YTHDC2: variants seen among roughly 807,000 people sequenced by gnomAD.
YTHDC2 encodes the protein YTH N6-methyladenosine RNA binding protein C2.
YTHDC2 carries 45 observed loss-of-function variants against 174.9 expected under a neutral mutation model. That is an observed-to-expected ratio of 0.26 (90% CI 0.20 to 0.33). The LOEUF is 0.33. Among genes scored for constraint, YTHDC2 ranks in the 10% least tolerant of loss-of-function variants. YTHDC2 has a pLI of 1.00. For missense variants in YTHDC2, 1,650 were observed against 1,723.7 expected (o/e 0.96, Z 0.76); for synonymous variants, 657 against 574.5 (o/e 1.14, Z -2.05).
intron 23 of YTHDC2, among the ~76,000 whole-genome samples, chr5:113,573,021 G>C (rs1235833565): frequency 6.6e-6 from 1 of 152,150 alleles, no homozygotes; most frequent in Non-Finnish European, 1.5e-5. Context: ...GATGCTAGCT[G>C]GTTATTTTGC....
At chr5:113,566,135 G>T in intron 21 of YTHDC2, 116 bp downstream of exon 21, 1 of 1,205,352 alleles carries the variant, frequency 8.3e-7, no homozygotes, top group Non-Finnish European at 1.1e-6. Flanking sequence ...TTATCATGTT[G>T]TGTATCTTAT....
chr5:113,514,999 A>G (rs1173528269), intron 1 of YTHDC2, among the ~76,000 whole-genome samples: 1 of 152,170 alleles, frequency 6.6e-6, no homozygotes, highest in Non-Finnish European at 1.5e-5. Flanking sequence ...TTTTTGGTGA[A>G]TATCAGAGGC....
intron 10 of YTHDC2, among the ~76,000 whole-genome samples, chr5:113,543,501 C>T (rs572593699): frequency 2.6e-5 from 4 of 152,214 alleles, no homozygotes; most frequent in Admixed American, 2.0e-4. Context: ...TCCCCTAGTC[C>T]AAGCTAGCCT....
At position 113,548,093 on chromosome 5, in the gene YTHDC2, C is replaced by T. The variant is rs114536438; in HGVS notation, c.1496-448C>T. On this transcript the variant is annotated intron_variant, in intron 10 of 29. Coordinates refer to ENST00000161863, the MANE Select transcript of YTHDC2 (RefSeq NM_022828.5). Reference sequence around the variant, plus strand: ...AAAGCAAAGTAAAATAACAACCAAACATTGTCTCAAACTTTGCATTTGAAG... The same window carrying T: ...AAAGCAAAGTAAAATAACAACCAAATATTGTCTCAAACTTTGCATTTGAAG... Among the ~76,000 whole-genome samples, 975 of 152,280 alleles carry T rather than the reference C, an allele frequency of 6.4e-3. 7 individuals are homozygous for T. The highest frequency in any genetic ancestry group is 0.022 in the African/African-American group (908 of 41,566).
intron 2 of YTHDC2, 48 bp downstream of exon 2, chr5:113,515,410 A>G: frequency 1.4e-6 from 2 of 1,479,598 alleles, no homozygotes; most frequent in South Asian, 1.2e-5. Flanking sequence ...TTATTTGCCC[A>G]AAAAAGGGAG....
intron 3 of YTHDC2, among the ~76,000 whole-genome samples, chr5:113,525,420 A>G (rs1197219473): frequency 1.3e-5 from 2 of 152,022 alleles, no homozygotes; most frequent in Admixed American, 1.3e-4. Context: ...TTTACTGAGC[A>G]TTAACTGTGT....
At chr5:113,557,760 A>G (rs1776709980) in intron 17 of YTHDC2, among the ~76,000 whole-genome samples, 1 of 152,042 alleles carries the variant, frequency 6.6e-6, no homozygotes, top group African/African-American at 2.4e-5. Context: ...TGATCATACC[A>G]CTCTACTCCA....
At chr5:113,550,079 A>C (rs1044436011) in intron 12 of YTHDC2, among the ~76,000 whole-genome samples, 2 of 149,118 alleles carry the variant, frequency 1.3e-5, no homozygotes, top group African/African-American at 5.0e-5. Flanking sequence ...AATGTGCTTC[A>C]CAAAAAAGAA....
intron 2 of YTHDC2, among the ~76,000 whole-genome samples, chr5:113,522,132 T>G (rs1773909130): frequency 1.4e-5 from 1 of 73,038 alleles, no homozygotes; most frequent in Non-Finnish European, 3.2e-5. Context: ...CCTGTTTTTT[T>G]TGTTTTTTGT....
chr5:113,592,235 C>T, intron 28 of YTHDC2, 57 bp downstream of exon 28: 1 of 1,472,074 alleles, frequency 6.8e-7, no homozygotes, highest in Non-Finnish European at 9.1e-7. Context: ...TTTCTGTTAT[C>T]CAGTGCTTTA....
intron 4 of YTHDC2, among the ~76,000 whole-genome samples, chr5:113,532,184 A>G (rs1774719550): frequency 6.6e-6 from 1 of 152,234 alleles, no homozygotes; most frequent in Admixed American, 6.5e-5. Flanking sequence ...GTTATGTGAA[A>G]ACTGCAAATT....
At chr5:113,556,399 T>C (rs1471621470) in intron 17 of YTHDC2, 1 of 249,560 alleles carries the variant, frequency 4.0e-6, no homozygotes, top group Non-Finnish European at 7.6e-6. Flanking sequence ...TCTAAACATA[T>C]GCAATGTAGG....
intron 26 of YTHDC2, among the ~76,000 whole-genome samples, chr5:113,589,404 A>ATATAT (rs1437521528): frequency 1.0e-4 from 12 of 114,528 alleles, no homozygotes; most frequent in African/African-American, 4.4e-4. Context: ...TTAAAAAAAA[A>ATATAT]AAAAATATAT....
chr5:113,547,951 A>G (rs1429876039), intron 10 of YTHDC2, among the ~76,000 whole-genome samples: 1 of 152,168 alleles, frequency 6.6e-6, no homozygotes, highest in Non-Finnish European at 1.5e-5. Context: ...TATTCTAGGA[A>G]GAAACTTCAA....
At chr5:113,519,071 C>G (rs1185593310) in intron 2 of YTHDC2, among the ~76,000 whole-genome samples, 3 of 151,378 alleles carry the variant, frequency 2.0e-5, no homozygotes, top group Non-Finnish European at 4.4e-5. Flanking sequence ...TGGGGTCTTG[C>G]TATGTTGCCC....
At chr5:113,542,701 A>G (rs1204346043) in intron 10 of YTHDC2, among the ~76,000 whole-genome samples, 198 bp downstream of exon 10, 1 of 152,226 alleles carries the variant, frequency 6.6e-6, no homozygotes, top group East Asian at 1.9e-4. Flanking sequence ...GTGTTAAATC[A>G]GATTCTTAAG....
rs1375984530 is a variant in YTHDC2, at chr5:113,565,940, A to G, written c.2763A>G (p.Glu921=). 2.5e-6 allele frequency: 4 copies of G among 1,613,642 alleles called. No individual in the cohort carries two copies. The African/African-American group carries it at 5.3e-5, about 22-fold the overall frequency. ...RSDGWERAFC[E]KNFLSQATME... ...ATGGGTGGGAGCGAGCCTTTTGTGA[A>G]AAGAATTTTCTTTCACAGGCTACTA... is the stretch of plus-strand genomic sequence containing the variant. The change falls in exon 21 of 30, where the codon GAA becomes GAG. Residue 921 remains glutamate, a synonymous_variant. Coordinates refer to ENST00000161863, the MANE Select transcript of YTHDC2 (RefSeq NM_022828.5).
Position 113,515,421 on chromosome 5 carries a change from A to C in YTHDC2, c.278+59A>C, listed in dbSNP as rs574706067. 318 of 1,398,392 alleles carry C rather than the reference A, an allele frequency of 2.3e-4. 1 individual carries two copies. In the African/African-American group the frequency reaches 4.3e-3, roughly 19 times the overall value. The allele number at this position is 1,398,392 out of a possible 1,614,324, so 86.6% of individuals were successfully genotyped here. ...AAGATTATTTGCCCAAAAAAGGGAG[A>C]AACGTTTCTGAGTACATTTAAGTAC... On this transcript the variant is annotated intron_variant, in intron 2 of 29. Transcript: ENST00000161863.
intron 17 of YTHDC2, among the ~76,000 whole-genome samples, chr5:113,559,277 A>G (rs1377846873): frequency 1.3e-5 from 2 of 152,200 alleles, no homozygotes; most frequent in Non-Finnish European, 1.5e-5. Flanking sequence ...TTTTTGCACC[A>G]AAATAAACTC....
Sources: allele counts gnomAD v4.1 joint callset (sites outside exome capture counted in the v4.1 genomes callset), GRCh38; gene constraint gnomAD v4.1.1; transcripts MANE v1.5; gene names NCBI Gene and HGNC (gene_info 2026-07-23, HGNC 2026-07-21).